Variants in MAPK10 observed in about 807,000 individuals in gnomAD.
The protein encoded by MAPK10 is mitogen-activated protein kinase 10, also known as JNK3 alpha protein kinase.
In MAPK10, 25 loss-of-function variants were observed where a neutral mutation model predicts 59.3. The ratio of observed to expected loss-of-function variants is 0.42; its 90% CI spans 0.31 to 0.59. MAPK10 has a LOEUF of 0.59. Ranked by LOEUF, MAPK10 falls within the 20% of genes least tolerant of loss-of-function variation. MAPK10 has a pLI of 0.15. For missense variants in MAPK10, 351 were observed against 568.9 expected (o/e 0.62, Z 3.90); for synonymous variants, 190 against 200.5 (o/e 0.95, Z 0.44).
intron 11 of MAPK10, among the ~76,000 whole-genome samples, chr4:86,049,941 G>A (rs559904425): frequency 6.6e-6 from 1 of 151,336 alleles, no homozygotes; most frequent in South Asian, 2.1e-4. Flanking sequence ...GTACCCTCTG[G>A]GAATGACTTA....
At chr4:86,148,631 G>C (rs2065597382) in intron 4 of MAPK10, among the ~76,000 whole-genome samples, 1 of 152,192 alleles carries the variant, frequency 6.6e-6, no homozygotes, top group Admixed American at 6.5e-5. Flanking sequence ...TCTGGAAAGA[G>C]AAAGGAAGAA....
chr4:86,264,105 T>G (rs2094129107), intron 2 of MAPK10, among the ~76,000 whole-genome samples: 1 of 152,208 alleles, frequency 6.6e-6, no homozygotes, highest in African/African-American at 2.4e-5. Context: ...GTTCCAGAAT[T>G]TTATTATTTT....
intron 1 of MAPK10, among the ~76,000 whole-genome samples, chr4:86,396,270 C>A (rs1742926582): frequency 6.6e-6 from 1 of 152,158 alleles, no homozygotes; most frequent in Non-Finnish European, 1.5e-5. Flanking sequence ...TGGCGCGAAC[C>A]CAGGAGGCGG....
intron 9 of MAPK10, chr4:86,089,267 C>A: frequency 1.9e-6 from 3 of 1,611,482 alleles, no homozygotes; most frequent in Non-Finnish European, 2.5e-6. Flanking sequence ...ACCCTACTGA[C>A]CACATGTCAA....
At chr4:86,239,238 T>C (rs1430291937) in intron 2 of MAPK10, among the ~76,000 whole-genome samples, 1 of 152,228 alleles carries the variant, frequency 6.6e-6, no homozygotes, top group African/African-American at 2.4e-5. Context: ...TGCTGCTGGA[T>C]TCAGTTTGCC....
At chr4:86,535,956 CAA>C (rs1292064755) in intron 1 of MAPK10, among the ~76,000 whole-genome samples, 1 of 152,122 alleles carries the variant, frequency 6.6e-6, no homozygotes, top group Non-Finnish European at 1.5e-5. Flanking sequence ...AAAGTAGACT[CAA>C]GAGAATCATA....
At chr4:86,380,326 C>T (rs1192370227) in intron 1 of MAPK10, among the ~76,000 whole-genome samples, 2 of 152,192 alleles carry the variant, frequency 1.3e-5, no homozygotes, top group Non-Finnish European at 2.9e-5. Flanking sequence ...TTACAGTTGC[C>T]ACCCTCTTTG....
intron 9 of MAPK10, among the ~76,000 whole-genome samples, chr4:86,098,214 G>A (rs1397325419): frequency 6.6e-6 from 1 of 151,914 alleles, no homozygotes; most frequent in East Asian, 1.9e-4. Context: ...TAGTTATAAA[G>A]GTAAATATAT....
intron 1 of MAPK10, among the ~76,000 whole-genome samples, chr4:86,524,751 C>T (rs1302071450): frequency 6.6e-6 from 1 of 151,014 alleles, no homozygotes; most frequent in East Asian, 1.9e-4. Flanking sequence ...TGTTGTTGTT[C>T]TTGCTTCTGC....
chr4:86,337,480 A>G (rs9990599), intron 2 of MAPK10, among the ~76,000 whole-genome samples: 110,252 of 152,044 alleles, frequency 0.73, 40,680 homozygotes, highest in South Asian at 0.9. Flanking sequence ...GGAGAATCGT[A>G]AAGGAGAAAC....
chr4:86,450,411 T>G (rs1335391547), intron 1 of MAPK10, among the ~76,000 whole-genome samples: 2 of 152,226 alleles, frequency 1.3e-5, no homozygotes, highest in African/African-American at 2.4e-5. Flanking sequence ...ATATTACTCA[T>G]CAGCATTCAA....
chr4:86,137,061 C>T (rs1391624521), intron 4 of MAPK10, among the ~76,000 whole-genome samples: 4 of 151,180 alleles, frequency 2.6e-5, no homozygotes, highest in Admixed American at 6.6e-5. Flanking sequence ...TACAAAGAGA[C>T]TTAGACTCCC....
intron 1 of MAPK10, among the ~76,000 whole-genome samples, chr4:86,382,682 T>C (rs1170245874): frequency 6.6e-6 from 1 of 152,210 alleles, no homozygotes; most frequent in Non-Finnish European, 1.5e-5. Context: ...TAACCAAAGA[T>C]GGCCATACAT....
chr4:86,587,262 T>C (rs933448052), intron 1 of MAPK10, among the ~76,000 whole-genome samples: 2 of 152,234 alleles, frequency 1.3e-5, no homozygotes, highest in Non-Finnish European at 2.9e-5. Context: ...ATGTACTTTG[T>C]CCCAGTGTTT....
At chr4:86,168,726 C>A (rs1436405493) in intron 3 of MAPK10, among the ~76,000 whole-genome samples, 1 of 152,102 alleles carries the variant, frequency 6.6e-6, no homozygotes, top group African/African-American at 2.4e-5. Context: ...TCCCAGCACA[C>A]AGCTGGAGAT....
intron 1 of MAPK10, among the ~76,000 whole-genome samples, chr4:86,414,642 C>A (rs755711552): frequency 1.3e-5 from 2 of 152,078 alleles, no homozygotes; most frequent in African/African-American, 2.4e-5. Context: ...TTTCCTGTTC[C>A]TATTATTTGG....
At chr4:86,152,393 T>C (rs981847309) in intron 4 of MAPK10, 1 of 152,228 alleles carries the variant, frequency 6.6e-6, no homozygotes, top group Non-Finnish European at 1.5e-5. Flanking sequence ...TCTCCTGTCA[T>C]ACACAGAAGC....
chr4:86,399,133 G>T (rs188423707), intron 1 of MAPK10, among the ~76,000 whole-genome samples: 1 of 152,282 alleles, frequency 6.6e-6, no homozygotes, highest in Admixed American at 6.5e-5. Flanking sequence ...TAATGGGATT[G>T]CTGGGTTAAA....
chr4:86,423,347 T>C lies in MAPK10; in HGVS notation c.-122+29683A>G, dbSNP rs545230567. Among the ~76,000 whole-genome samples, 3 of 152,278 alleles carry C rather than the reference T, an allele frequency of 2.0e-5. No individual in the cohort carries two copies. The South Asian group carries it at 6.2e-4, about 32-fold the overall frequency. ...CACATCAATACAAACATCAGTAAAT[T>C]ATGACTCTCTGTTATATGCATAATA... is the stretch of plus-strand genomic sequence containing the variant. On this transcript the variant is annotated intron_variant, in intron 1 of 13. Transcript: ENST00000361569.
Sources: gnomAD v4.1 joint callset for allele counts (sites outside exome capture counted in the v4.1 genomes callset) on GRCh38, gnomAD v4.1.1 for gene constraint, MANE v1.5 for transcripts, NCBI Gene and HGNC (gene_info 2026-07-23, HGNC 2026-07-21) for gene names.